FMN2: variants seen among roughly 807,000 people sequenced by gnomAD.
The protein encoded by FMN2 is formin-2.
In FMN2, 51 loss-of-function variants were observed where a neutral mutation model predicts 142.3. The observed-to-expected ratio is 0.36, with a 90% CI of 0.29 to 0.45. FMN2 has a LOEUF of 0.45. FMN2 is among the 20% of genes least tolerant of loss of function. The pLI, the probability that FMN2 is intolerant of heterozygous loss-of-function variation, is 1.00. For missense variants in FMN2, 1,936 were observed against 2,122.8 expected (o/e 0.91, Z 1.73); for synonymous variants, 882 against 869.8 (o/e 1.01, Z -0.25).
At chr1:240,284,021 T>G (rs1669501289) in intron 7 of FMN2, among the ~76,000 whole-genome samples, 1 of 152,122 alleles carries the variant, frequency 6.6e-6, no homozygotes, top group South Asian at 2.1e-4. Context: ...AAGTGATGGC[T>G]GGTACAGTAG....
At chr1:240,229,931 C>G (rs1317138980) in intron 6 of FMN2, among the ~76,000 whole-genome samples, 1 of 131,586 alleles carries the variant, frequency 7.6e-6, no homozygotes, top group Non-Finnish European at 1.6e-5. Flanking sequence ...CAGGTATGAG[C>G]CACCGTGCCC....
intron 14 of FMN2, among the ~76,000 whole-genome samples, chr1:240,378,826 C>A (rs1221138550): frequency 1.3e-5 from 2 of 152,060 alleles, no homozygotes; most frequent in East Asian, 3.9e-4. Flanking sequence ...TTATATCATC[C>A]ATTTTCTTCT....
At chr1:240,463,228 C>T (rs903614107) in intron 16 of FMN2, among the ~76,000 whole-genome samples, 4 of 152,018 alleles carry the variant, frequency 2.6e-5, no homozygotes, top group African/African-American at 9.7e-5. Flanking sequence ...CGTGAGAAGG[C>T]TTGAAAAACA....
At chr1:240,123,003 ACT>A (rs1159867361) in intron 1 of FMN2, among the ~76,000 whole-genome samples, 174 bp from the exon 2 acceptor site, 2 of 152,046 alleles carry the variant, frequency 1.3e-5, no homozygotes, top group East Asian at 3.9e-4. Context: ...TTATGTGGTA[ACT>A]CTGGCCTCAG....
At chr1:240,188,976 G>C (rs1022916753) in intron 4 of FMN2, among the ~76,000 whole-genome samples, 1 of 152,046 alleles carries the variant, frequency 6.6e-6, no homozygotes, top group African/African-American at 2.4e-5. Flanking sequence ...CATGAGAAGA[G>C]CATGGGAAAG....
intron 2 of FMN2, among the ~76,000 whole-genome samples, chr1:240,171,640 A>T (rs1664705707): frequency 6.6e-6 from 1 of 152,356 alleles, no homozygotes; most frequent in South Asian, 2.1e-4. Flanking sequence ...TCTTACCTGT[A>T]AAAATCTCAG....
At chr1:240,464,850 C>A (rs1315068364) in intron 16 of FMN2, among the ~76,000 whole-genome samples, 1 of 152,116 alleles carries the variant, frequency 6.6e-6, no homozygotes, top group Non-Finnish European at 1.5e-5. Flanking sequence ...GCTTGATTTT[C>A]TTTGTGTTAG....
Position 240,093,537 on chromosome 1 carries a change from G to C in FMN2, c.1428G>C (p.Ala476=), listed in dbSNP as rs374209120. Reference sequence around the variant, plus strand: ...AGCACCGGGCCGACGGCGGCCTTGCGGCCGGCCTGAGCCGCTCGGCTGACT... The same window carrying C: ...AGCACCGGGCCGACGGCGGCCTTGCCGCCGGCCTGAGCCGCTCGGCTGACT... The part of the protein sequence containing the change: ...AKKHRADGGL[A]AGLSRSADWT... The change falls in exon 1 of 18, where the codon GCG becomes GCC. Residue 476 remains alanine (A), a synonymous_variant. Coordinates refer to ENST00000319653, the MANE Select transcript of FMN2 (RefSeq NM_020066.5). 1.9e-6 allele frequency: 3 copies of C among 1,571,418 alleles called. No homozygotes were observed. The highest frequency in any genetic ancestry group is 3.7e-5 in the Admixed American group (2 of 53,552).
chr1:240,418,877 C>T (rs1674670156), intron 15 of FMN2, among the ~76,000 whole-genome samples: 3 of 152,092 alleles, frequency 2.0e-5, no homozygotes, highest in Admixed American at 1.3e-4. Flanking sequence ...GAGGCCGAGG[C>T]AGGTGGATCA....
Position 240,255,545 on chromosome 1 carries a change from C to T in FMN2, c.4066-2400C>T, listed in dbSNP as rs150432335. ...AGAGTTAAGGAGGAGGGGTGGTTTC[C>T]GCAAATACAGAGCAGCTGTAATTGG... On this transcript the variant is annotated intron_variant, in intron 6 of 17. Transcript: ENST00000319653. Among the ~76,000 whole-genome samples the T allele has an allele frequency of 3.3e-3, 502 of 152,078 alleles. 3 individuals carry two copies. Among genetic ancestry groups the T allele is most frequent in the African/African-American group, 0.011 (449 of 41,460 alleles).
intron 15 of FMN2, among the ~76,000 whole-genome samples, chr1:240,407,951 A>G (rs1477796827): frequency 3.9e-5 from 6 of 152,158 alleles, no homozygotes; most frequent in Admixed American, 6.5e-5. Flanking sequence ...GGCACATGAA[A>G]CCCTAGATGA....
intron 8 of FMN2, among the ~76,000 whole-genome samples, chr1:240,307,546 G>A (rs558481927): frequency 6.6e-6 from 1 of 152,290 alleles, no homozygotes; most frequent in Non-Finnish European, 1.5e-5. Context: ...TCAAAGATGA[G>A]TTGGTTGTAG....
chr1:240,408,573 A>G (rs951524670), intron 15 of FMN2, among the ~76,000 whole-genome samples: 4 of 152,148 alleles, frequency 2.6e-5, no homozygotes, highest in African/African-American at 9.7e-5. Context: ...ACCATTTTAA[A>G]GTTGATTTTT....
intron 8 of FMN2, among the ~76,000 whole-genome samples, chr1:240,303,890 A>T (rs1463679993): frequency 1.3e-5 from 2 of 151,568 alleles, no homozygotes; most frequent in Non-Finnish European, 2.9e-5. Flanking sequence ...ATACTTTCTG[A>T]TCCATCTTCA....
chr1:240,356,390 C>A (rs183128423), intron 14 of FMN2, among the ~76,000 whole-genome samples: 1 of 151,848 alleles, frequency 6.6e-6, no homozygotes, highest in Non-Finnish European at 1.5e-5. Flanking sequence ...TAATGGGATA[C>A]GCCAATACCT....
intron 14 of FMN2, among the ~76,000 whole-genome samples, chr1:240,379,762 G>A (rs1170720557): frequency 6.6e-6 from 1 of 152,078 alleles, no homozygotes; most frequent in Non-Finnish European, 1.5e-5. Flanking sequence ...GTTCAATTAA[G>A]TGGAAGTTCC....
intron 3 of FMN2, among the ~76,000 whole-genome samples, chr1:240,184,271 C>T (rs562413490): frequency 2.5e-4 from 23 of 91,062 alleles, no homozygotes; most frequent in Non-Finnish European, 4.1e-4. Flanking sequence ...GAGACTTGCT[C>T]TGTCGCCCAG....
At chr1:240,402,161 C>A (rs529294965) in intron 15 of FMN2, among the ~76,000 whole-genome samples, 9 of 152,114 alleles carry the variant, frequency 5.9e-5, no homozygotes, top group Non-Finnish European at 1.3e-4. Context: ...GACTCTTAGC[C>A]CATTTAAAAT....
At chr1:240,184,779 C>T (rs181378420) in intron 3 of FMN2, among the ~76,000 whole-genome samples, 1 of 151,772 alleles carries the variant, frequency 6.6e-6, no homozygotes, top group Non-Finnish European at 1.5e-5. Flanking sequence ...CGGGAGTGAT[C>T]ACTTTCATTT....
Sources: gnomAD v4.1 joint callset for allele counts (sites outside exome capture counted in the v4.1 genomes callset) on GRCh38, gnomAD v4.1.1 for gene constraint, MANE v1.5 for transcripts, NCBI Gene and HGNC (gene_info 2026-07-23, HGNC 2026-07-21) for gene names.